The following RPH3A variants were observed in gnomAD, a reference collection of about 807,000 sequenced individuals.
The protein encoded by RPH3A is rabphilin 3A, also known as rabphilin-3A.
In RPH3A, 48 loss-of-function variants were observed where a neutral mutation model predicts 102.2. The observed-to-expected ratio is 0.47, with a 90% CI of 0.37 to 0.60. The LOEUF is 0.60. Ranked by LOEUF, RPH3A falls within the 20% of genes least tolerant of loss-of-function variation. The probability of loss-of-function intolerance (pLI) is 0.00; values close to 1 mark genes in which losing one functional copy is unlikely to be tolerated. For synonymous variants in RPH3A, 310 were observed against 324.3 expected (o/e 0.96, Z 0.47); for missense variants, 781 against 910.1 (o/e 0.86, Z 1.83).
chr12:112,852,528 T>C (rs983842389), intron 5 of RPH3A, among the ~76,000 whole-genome samples: 1 of 152,198 alleles, frequency 6.6e-6, no homozygotes, highest in African/African-American at 2.4e-5. Flanking sequence ...TTAGAAAATA[T>C]AGCCACGCTA....
chr12:112,659,707 C>A (rs1049441906), intron 1 of RPH3A, among the ~76,000 whole-genome samples: 1 of 152,158 alleles, frequency 6.6e-6, no homozygotes, highest in Non-Finnish European at 1.5e-5. Flanking sequence ...GTCAATCAAT[C>A]TATCTATCCA....
At chr12:112,740,037 T>A (rs1224423256) in intron 1 of RPH3A, among the ~76,000 whole-genome samples, 1 of 152,154 alleles carries the variant, frequency 6.6e-6, no homozygotes. Context: ...TCCTTACCCA[T>A]GTAACCAATC....
At chr12:112,792,382 C>T (rs533443059) in intron 2 of RPH3A, 119 bp downstream of exon 2, 1 of 152,176 alleles carries the variant, frequency 6.6e-6, no homozygotes, top group Non-Finnish European at 1.5e-5. Context: ...TATCGAGGAA[C>T]GACTATGCTT....
intron 1 of RPH3A, among the ~76,000 whole-genome samples, chr12:112,692,738 A>G (rs1021822445): frequency 6.6e-6 from 1 of 152,196 alleles, no homozygotes; most frequent in Admixed American, 6.5e-5. Flanking sequence ...TTACCCTTGA[A>G]TTTGTCCTTT....
intron 2 of RPH3A, among the ~76,000 whole-genome samples, chr12:112,800,644 G>A (rs1417883676): frequency 6.6e-6 from 1 of 152,168 alleles, no homozygotes; most frequent in Non-Finnish European, 1.5e-5. Flanking sequence ...GGGACCAGGT[G>A]GTAGCAGAGA....
chr12:112,660,802 G>A (rs1255349131), intron 1 of RPH3A, among the ~76,000 whole-genome samples: 1 of 152,160 alleles, frequency 6.6e-6, no homozygotes, highest in Non-Finnish European at 1.5e-5. Flanking sequence ...GTGGAGGAGG[G>A]GTTCAAATCT....
intron 1 of RPH3A, among the ~76,000 whole-genome samples, chr12:112,746,985 G>T (rs942364629): frequency 2.0e-5 from 3 of 152,182 alleles, no homozygotes. Flanking sequence ...GGTTGTGTCT[G>T]TGCCCCCTTC....
chr12:112,677,495 CT>C lies in RPH3A; in HGVS notation c.-140+102182del, dbSNP rs1360263785. 1.5e-4 allele frequency among the ~76,000 whole-genome samples: 20 copies of C among 131,924 alleles called. No homozygotes were observed. In the East Asian group the frequency reaches 3.1e-3, roughly 20 times the overall value. 86.5% of individuals were successfully genotyped at this position (131,924 alleles called of 152,430 possible). A position where few individuals can be genotyped will look rare whatever the true frequency, so the allele number is the denominator to read the frequency against. On this transcript the variant is annotated intron_variant, in intron 1 of 21. Coordinates refer to the RPH3A transcript ENST00000543106. ...CTTCCTTCCTTCCTTCCCTCTTTCTCTTTTTTAGAGTTAGGGTCTTGCTCTG... is the reference window on the plus strand; with the variant it reads ...CTTCCTTCCTTCCTTCCCTCTTTCTCTTTTTAGAGTTAGGGTCTTGCTCTG...
At chr12:112,665,595 G>A (rs898318289) in intron 1 of RPH3A, among the ~76,000 whole-genome samples, 5 of 152,166 alleles carry the variant, frequency 3.3e-5, no homozygotes, top group African/African-American at 1.2e-4. Context: ...ACAGTGCCTG[G>A]CACAAGGTCA....
chr12:112,744,898 T>C (rs981251464), intron 1 of RPH3A, among the ~76,000 whole-genome samples: 60 of 152,218 alleles, frequency 3.9e-4, no homozygotes, highest in African/African-American at 1.4e-3. Context: ...GATATTCTCT[T>C]ACATTGCCAC....
intron 1 of RPH3A, among the ~76,000 whole-genome samples, chr12:112,674,369 G>A (rs1343634792): frequency 5.9e-5 from 9 of 152,164 alleles, no homozygotes; most frequent in Non-Finnish European, 1.2e-4. Context: ...GAGCCTCTGA[G>A]ATGCATGCCA....
intron 1 of RPH3A, among the ~76,000 whole-genome samples, chr12:112,771,041 G>A (rs940138877): frequency 6.6e-6 from 1 of 152,180 alleles, no homozygotes; most frequent in African/African-American, 2.4e-5. Context: ...ACAAGTGGTT[G>A]CAAATTAAAG....
intron 1 of RPH3A, among the ~76,000 whole-genome samples, chr12:112,628,962 G>A (rs150619203): frequency 1.3e-3 from 205 of 152,210 alleles, no homozygotes; most frequent in African/African-American, 4.7e-3. Context: ...GCAGTGGATC[G>A]TGTGTATCTT....
chr12:112,736,309 C>T (rs1202432701), intron 1 of RPH3A, among the ~76,000 whole-genome samples: 1 of 152,206 alleles, frequency 6.6e-6, no homozygotes, highest in Non-Finnish European at 1.5e-5. Flanking sequence ...GTTTGAGAAC[C>T]ATTGCTTAGC....
chr12:112,887,393 T>C (rs2043018974), intron 16 of RPH3A, among the ~76,000 whole-genome samples: 2 of 152,252 alleles, frequency 1.3e-5, no homozygotes, highest in Admixed American at 1.3e-4. Context: ...GTCTATATTA[T>C]ATGATTCCAT....
In RPH3A at chr12:112,755,493, G is replaced by A. The variant is rs1354164402; in HGVS notation, c.-139-36650G>A. Among the ~76,000 whole-genome samples, 8 of 152,208 alleles carry A rather than the reference G, an allele frequency of 5.3e-5. No individual in the cohort carries two copies. The East Asian group carries it at 1.4e-3, about 26-fold the overall frequency. On this transcript the variant is annotated intron_variant, in intron 1 of 21. Coordinates refer to the RPH3A transcript ENST00000543106. ...AGTGTTCTTTGCACCTTGACTTTGG[G>A]CTTGGTCATGTGACTTGCTTTGGCC...
At chr12:112,678,080 C>A (rs1010883387) in intron 1 of RPH3A, among the ~76,000 whole-genome samples, 3 of 151,594 alleles carry the variant, frequency 2.0e-5, no homozygotes, top group African/African-American at 7.3e-5. Context: ...GCCTGTAGTC[C>A]CAGCTACTCA....
chr12:112,841,966 G>A (rs1196951348), intron 4 of RPH3A: 6 of 455,880 alleles, frequency 1.3e-5, no homozygotes, highest in African/African-American at 1.2e-4. Flanking sequence ...TCATGTTTGT[G>A]CAGATAGGCA....
At chr12:112,795,819 A>G (rs955386322) in intron 2 of RPH3A, among the ~76,000 whole-genome samples, 4 of 152,296 alleles carry the variant, frequency 2.6e-5, no homozygotes, top group South Asian at 2.1e-4. Context: ...TGAGAATTTT[A>G]AGAGTTAATG....
Sources: allele counts gnomAD v4.1 joint callset (sites outside exome capture counted in the v4.1 genomes callset), GRCh38; gene constraint gnomAD v4.1.1; transcripts MANE v1.5; gene names NCBI Gene and HGNC (gene_info 2026-07-23, HGNC 2026-07-21).